Variants in CCDC180 observed in about 807,000 individuals in gnomAD.
CCDC180 encodes the protein coiled-coil domain-containing protein 180.
A neutral mutation model predicts 209.2 loss-of-function variants in CCDC180; 154 were observed. The observed-to-expected ratio is 0.74, with a 90% CI of 0.65 to 0.84. The LOEUF (loss-of-function observed/expected upper bound fraction) is 0.84. CCDC180 is among the 40% of genes least tolerant of loss of function. The pLI, the probability that CCDC180 is intolerant of heterozygous loss-of-function variation, is 0.00. For synonymous variants in CCDC180, 778 were observed against 749.1 expected (o/e 1.04, Z -0.63); for missense variants, 1,874 against 1,997.3 (o/e 0.94, Z 1.18).
intron 25 of CCDC180, 77 bp downstream of exon 25, chr9:97,357,802 C>G: frequency 8.2e-7 from 1 of 1,225,438 alleles, no homozygotes; most frequent in Non-Finnish European, 1.2e-6. Context: ...ATAAATTTAC[C>G]TGTGTGTATA....
At chr9:97,331,934 G>A (rs543583668) in intron 18 of CCDC180, among the ~76,000 whole-genome samples, 75 of 152,184 alleles carry the variant, frequency 4.9e-4, no homozygotes, top group African/African-American at 1.5e-3. Flanking sequence ...TGTTTTTGTC[G>A]CAATTGCTTT....
intron 20 of CCDC180, among the ~76,000 whole-genome samples, chr9:97,348,750 C>G (rs553256104): frequency 6.6e-6 from 1 of 152,324 alleles, no homozygotes; most frequent in Non-Finnish European, 1.5e-5. Flanking sequence ...ACTCAGACTG[C>G]TCAGTGCTGT....
At chr9:97,368,082 C>A (rs966787132) in intron 31 of CCDC180, among the ~76,000 whole-genome samples, 2 of 152,216 alleles carry the variant, frequency 1.3e-5, no homozygotes, top group East Asian at 1.9e-4. Context: ...GGTAAACTCA[C>A]AACTAGTGAA....
chr9:97,352,522 T>C (rs979139870), intron 22 of CCDC180, among the ~76,000 whole-genome samples: 1 of 152,156 alleles, frequency 6.6e-6, no homozygotes, highest in African/African-American at 2.4e-5. Flanking sequence ...ACAGGTGAAC[T>C]TTAGAGAAAG....
rs1826764436 is a variant in CCDC180 at position 97,361,886 on chromosome 9, G to A, written c.3644G>A (p.Arg1215Lys). The A allele has an allele frequency of 2.5e-6, 4 of 1,613,972 alleles. No individual in the cohort carries two copies. Among genetic ancestry groups the A allele is most frequent in the Non-Finnish European group, 3.4e-6 (4 of 1,179,968 alleles). The change falls in exon 27 of 37, where the codon AGG (arginine) becomes AAG (lysine). Residue 1215 changes from arginine (R) to lysine (K), a missense_variant. Arg to Lys is a conservative substitution (Grantham distance 26). Coordinates refer to ENST00000529487, the MANE Select transcript of CCDC180 (RefSeq NM_020893.6). ...GAGGACCCAGCTGTGGATGTGATCA[G>A]GAAGCTCCTGCAGTGAGTGGCCCCA... Reference protein sequence around the residue: ...LIEDPAVDVIRKLLQLPNTKW... With the variant: ...LIEDPAVDVIKKLLQLPNTKW...
Position 97,350,540 on chromosome 9 carries a change from T to G in CCDC180, c.2987T>G (p.Phe996Cys). ...AAACTCCGCTACTCAAATATTGAGT[T>G]CATCAAACACTGCAGGTGGGAGCCA... ...LGKLRYSNIE[F>C]IKHCRLFSEG... The change falls in exon 22 of 37, where the codon TTC becomes TGC. Residue 996 changes from phenylalanine to cysteine, a missense_variant. Coordinates refer to ENST00000529487, the MANE Select transcript of CCDC180 (RefSeq NM_020893.6). 1 of 1,536,502 alleles carries G rather than the reference T, an allele frequency of 6.5e-7. No homozygotes were observed. Among genetic ancestry groups the G allele is most frequent in the Non-Finnish European group, 8.7e-7 (1 of 1,146,998 alleles).
chr9:97,375,254 C>T (rs1405280158), intron 35 of CCDC180, among the ~76,000 whole-genome samples, 200 bp from the exon 36 acceptor site: 1 of 152,292 alleles, frequency 6.6e-6, no homozygotes, highest in East Asian at 1.9e-4. Context: ...CCGTGCACAG[C>T]AATGAGACCA....
At chr9:97,329,446 A>C (rs953880509) in intron 16 of CCDC180, among the ~76,000 whole-genome samples, 3 of 152,216 alleles carry the variant, frequency 2.0e-5, no homozygotes, top group Non-Finnish European at 2.9e-5. Context: ...GGAAATTTGC[A>C]GGGTTTACAA....
At position 97,337,039 on chromosome 9, in the gene CCDC180, C is replaced by T. The variant is rs573054010; in HGVS notation, c.2274+6272C>T. 1.8e-3 allele frequency among the ~76,000 whole-genome samples: 274 copies of T among 152,264 alleles called. 1 individual carries two copies. Among genetic ancestry groups the T allele is most frequent in the African/African-American group, 5.7e-3 (235 of 41,546 alleles). On this transcript the variant is annotated intron_variant, in intron 18 of 36. Coordinates refer to ENST00000529487, the MANE Select transcript of CCDC180 (RefSeq NM_020893.6). The stretch of plus-strand genomic sequence containing the variant: ...GTATCCTGAGACTTTGCTGAAGTTG[C>T]TTATCAGCTTAAGGAGATTTTGGAC...
At chr9:97,335,451 A>G (rs1825876047) in intron 18 of CCDC180, among the ~76,000 whole-genome samples, 1 of 152,166 alleles carries the variant, frequency 6.6e-6, no homozygotes, top group African/African-American at 2.4e-5. Flanking sequence ...TCCTTGCGAT[A>G]GTTTGCTCAG....
chr9:97,320,278 CCA>C, intron 11 of CCDC180, 73 bp downstream of exon 11: 1 of 1,355,896 alleles, frequency 7.4e-7, no homozygotes, highest in Non-Finnish European at 1.1e-6. Flanking sequence ...TGAAGCTCAG[CCA>C]AATGAGTGGC....
At chr9:97,342,711 A>C (rs1826123340) in intron 18 of CCDC180, among the ~76,000 whole-genome samples, 1 of 152,072 alleles carries the variant, frequency 6.6e-6, no homozygotes, top group Non-Finnish European at 1.5e-5. Context: ...ATTCCTCTTT[A>C]TTGAATAGAT....
At chr9:97,356,110 C>T (rs1826577876) in intron 24 of CCDC180, among the ~76,000 whole-genome samples, 1 of 151,924 alleles carries the variant, frequency 6.6e-6, no homozygotes, top group African/African-American at 2.4e-5. Flanking sequence ...GGCCTGGGCA[C>T]AATGTCAGCA....
chr9:97,346,626 G>C (rs1826268297), intron 19 of CCDC180, among the ~76,000 whole-genome samples: 1 of 152,168 alleles, frequency 6.6e-6, no homozygotes, highest in South Asian at 2.1e-4. Flanking sequence ...TACTCTTGGG[G>C]TTTTTTGAGG....
At chr9:97,359,379 G>A (rs1452768941) in intron 25 of CCDC180, among the ~76,000 whole-genome samples, 3 of 152,156 alleles carry the variant, frequency 2.0e-5, no homozygotes, top group East Asian at 1.9e-4. Context: ...ATGGGTGTGC[G>A]GGCATTCCTG....
At chr9:97,309,916 AG>A (rs1207412234) in intron 3 of CCDC180, among the ~76,000 whole-genome samples, 1 of 152,208 alleles carries the variant, frequency 6.6e-6, no homozygotes, top group African/African-American at 2.4e-5. Flanking sequence ...GCTCTGATTA[AG>A]GGGATGGGGC....
intron 21 of CCDC180, 146 bp from the exon 22 acceptor site, chr9:97,350,263 C>T (rs1406943671): frequency 6.8e-6 from 5 of 737,760 alleles, no homozygotes; most frequent in Non-Finnish European, 1.1e-5. Context: ...ACCATCACCA[C>T]CTGTCCCTCC....
chr9:97,320,575 T>G (rs1221460459), intron 11 of CCDC180, among the ~76,000 whole-genome samples: 1 of 152,064 alleles, frequency 6.6e-6, no homozygotes, highest in Admixed American at 6.5e-5. Context: ...CTTGGGAAAA[T>G]CAGGGCCTCT....
chr9:97,331,774 AT>A (rs1825762310), intron 18 of CCDC180, among the ~76,000 whole-genome samples: 1 of 151,752 alleles, frequency 6.6e-6, no homozygotes, highest in African/African-American at 2.4e-5. Flanking sequence ...GTTAATTTAA[AT>A]TCTTTATAGA....
Sources: allele counts gnomAD v4.1 joint callset (sites outside exome capture counted in the v4.1 genomes callset), GRCh38; gene constraint gnomAD v4.1.1; transcripts MANE v1.5; gene names NCBI Gene and HGNC (gene_info 2026-07-23, HGNC 2026-07-21).